Variants in EIF2B3 observed in about 807,000 individuals in gnomAD.
EIF2B3 encodes translation initiation factor eIF2B subunit gamma.
Under a neutral mutation model 54.1 loss-of-function variants are expected in EIF2B3, and 20 were observed. The observed-to-expected ratio is 0.37, with a 90% CI of 0.26 to 0.54. The LOEUF is 0.54. Among genes scored for constraint, EIF2B3 ranks in the 20% least tolerant of loss-of-function variants. The pLI, the probability that EIF2B3 is intolerant of heterozygous loss-of-function variation, is 0.86. For missense variants in EIF2B3, 448 were observed against 547.8 expected (o/e 0.82, Z 1.82); for synonymous variants, 153 against 188.1 (o/e 0.81, Z 1.52).
intron 5 of EIF2B3, among the ~76,000 whole-genome samples, chr1:44,913,041 C>T (rs1296482815): frequency 1.3e-5 from 2 of 148,858 alleles, no homozygotes; most frequent in Non-Finnish European, 1.5e-5. Flanking sequence ...AACTAAATGA[C>T]CTTCCAGCTG....
chr1:44,881,570 T>C lies in EIF2B3; in HGVS notation c.784+42A>G, dbSNP rs763482089. 2 of 1,611,956 alleles carry C rather than the reference T, an allele frequency of 1.2e-6. No individual in the cohort carries two copies. Among genetic ancestry groups the C allele is most frequent in the African/African-American group, 2.7e-5 (2 of 75,000 alleles). Reference sequence around the variant, plus strand: ...GCCCAACCACTCTTTCCAAAGGTGCTGCTACCCTTGCCCCTCTTACTGAAC... The same window carrying C: ...GCCCAACCACTCTTTCCAAAGGTGCCGCTACCCTTGCCCCTCTTACTGAAC... On this transcript the variant is annotated intron_variant, in intron 7 of 11. Transcript: ENST00000360403. This position sits in a 1 kb window ranked among gnomAD's most constrained non-coding sequence, Gnocchi z 4.0.
At chr1:44,950,058 C>T (rs1214031250) in intron 3 of EIF2B3, among the ~76,000 whole-genome samples, 2 of 151,846 alleles carry the variant, frequency 1.3e-5, no homozygotes, top group Non-Finnish European at 2.9e-5. Flanking sequence ...TTTTTGTTCT[C>T]CCAAATCAAA....
At chr1:44,883,898 G>A (rs1655493044) in intron 6 of EIF2B3, among the ~76,000 whole-genome samples, 1 of 152,128 alleles carries the variant, frequency 6.6e-6, no homozygotes, top group Non-Finnish European at 1.5e-5. Context: ...GAGTGCAGTG[G>A]TGCAATCACA....
chr1:44,946,518 AC>A (rs1644104107), intron 3 of EIF2B3, among the ~76,000 whole-genome samples: 1 of 150,552 alleles, frequency 6.6e-6, no homozygotes, highest in Non-Finnish European at 1.5e-5. Flanking sequence ...GCTCACTGTA[AC>A]CTCAAATTCT....
intron 3 of EIF2B3, among the ~76,000 whole-genome samples, chr1:44,964,637 A>G (rs1644318302): frequency 1.3e-5 from 2 of 152,178 alleles, no homozygotes; most frequent in South Asian, 2.1e-4. Context: ...TCCTTTCTCT[A>G]CATCAAAGGA....
At chr1:44,856,376 G>T (rs1425007039) in intron 11 of EIF2B3, among the ~76,000 whole-genome samples, 2 of 151,830 alleles carry the variant, frequency 1.3e-5, no homozygotes, top group Admixed American at 1.3e-4. Flanking sequence ...TTAGCCAAGG[G>T]TGGTGGTGTG....
At chr1:44,975,356 T>C (rs756241164) in intron 3 of EIF2B3, among the ~76,000 whole-genome samples, 8 of 152,176 alleles carry the variant, frequency 5.3e-5, no homozygotes, top group Non-Finnish European at 8.8e-5. Flanking sequence ...AGAAATGCAT[T>C]GTTAGGTGAT....
chr1:44,975,455 T>C (rs263992), intron 3 of EIF2B3, among the ~76,000 whole-genome samples: 47,105 of 152,024 alleles, frequency 0.31, 8,155 homozygotes, highest in African/African-American at 0.45. Flanking sequence ...TAGCCTATTG[T>C]TCCTAGGTAA....
intron 6 of EIF2B3, among the ~76,000 whole-genome samples, chr1:44,884,317 T>C (rs1655508581): frequency 6.6e-6 from 1 of 152,048 alleles, no homozygotes; most frequent in South Asian, 2.1e-4. Context: ...TATGGGCAGC[T>C]CTATAAACCT....
intron 5 of EIF2B3, among the ~76,000 whole-genome samples, chr1:44,916,810 C>CA (rs58666630): frequency 0.041 from 4,569 of 111,178 alleles, 161 homozygotes; most frequent in African/African-American, 0.11. Flanking sequence ...GATTCTGTCG[C>CA]AAAAAAAAAA....
At chr1:44,876,736 G>A (rs1569588660) in intron 8 of EIF2B3, among the ~76,000 whole-genome samples, 3 of 141,324 alleles carry the variant, frequency 2.1e-5, no homozygotes, top group Non-Finnish European at 3.0e-5. Flanking sequence ...TGACAATGGC[G>A]GTTTTGTGGA....
Position 44,857,695 on chromosome 1 carries a change from C to T in EIF2B3, c.1306+9G>A. The stretch of plus-strand genomic sequence containing the variant: ...TAAAAATGGAATCTGTGATTGTAAT[C>T]TGGTTTACCTTTGGCTTCAATCCTC... On this transcript the variant is annotated intron_variant, in intron 11 of 11. Coordinates refer to ENST00000360403, the MANE Select transcript of EIF2B3 (RefSeq NM_020365.5). The T allele has an allele frequency of 6.2e-7, 1 of 1,613,474 alleles. No individual in the cohort carries two copies. Among genetic ancestry groups the T allele is most frequent in the Non-Finnish European group, 8.5e-7 (1 of 1,179,388 alleles).
At chr1:44,887,606 T>C (rs1321101356) in intron 6 of EIF2B3, among the ~76,000 whole-genome samples, 1 of 152,246 alleles carries the variant, frequency 6.6e-6, no homozygotes. Context: ...CTTACTGATA[T>C]GCAGACGCTT....
At chr1:44,916,668 CAAAA>C (rs1219707517) in intron 5 of EIF2B3, among the ~76,000 whole-genome samples, 1 of 150,740 alleles carries the variant, frequency 6.6e-6, no homozygotes, top group African/African-American at 2.4e-5. Context: ...AAAAAACAAA[CAAAA>C]ATTAGCCAAA....
chr1:44,871,903 G>A (rs569059455), intron 10 of EIF2B3, among the ~76,000 whole-genome samples: 2 of 147,528 alleles, frequency 1.4e-5, no homozygotes, highest in Admixed American at 1.4e-4. Flanking sequence ...TTGAGATAGG[G>A]TCTCACTCTG....
At chr1:44,864,814 G>C (rs1051601270) in intron 10 of EIF2B3, among the ~76,000 whole-genome samples, 50 of 152,158 alleles carry the variant, frequency 3.3e-4, no homozygotes, top group African/African-American at 1.2e-3. Flanking sequence ...TTCTTTCCTT[G>C]TAGGGATGAA....
intron 5 of EIF2B3, among the ~76,000 whole-genome samples, chr1:44,921,779 G>C (rs1040678228): frequency 4.6e-5 from 7 of 151,910 alleles, no homozygotes; most frequent in Admixed American, 3.9e-4. Context: ...ATGCTGTTTT[G>C]GTTACCAAAG....
intron 4 of EIF2B3, among the ~76,000 whole-genome samples, chr1:44,929,934 T>C (rs1181260456): frequency 1.3e-5 from 2 of 152,252 alleles, no homozygotes; most frequent in Admixed American, 1.3e-4. Context: ...CTTTCTGTTC[T>C]GCTTTAGCAA....
At chr1:44,913,478 T>C (rs967621186) in intron 5 of EIF2B3, among the ~76,000 whole-genome samples, 3 of 150,600 alleles carry the variant, frequency 2.0e-5, no homozygotes, top group African/African-American at 7.4e-5. Context: ...GCCAGTTAGA[T>C]GGCCCTGTTG....
Sources: allele counts gnomAD v4.1 joint callset (sites outside exome capture counted in the v4.1 genomes callset), GRCh38; gene constraint gnomAD v4.1.1; non-coding constraint Gnocchi (gnomAD v3.1); transcripts MANE v1.5; gene names NCBI Gene and HGNC (gene_info 2026-07-23, HGNC 2026-07-21).